The following MARCHF1 variants were observed in gnomAD, a reference collection of about 807,000 sequenced individuals.
MARCHF1 encodes membrane associated ring-CH-type finger 1.
Under a neutral mutation model 54.2 loss-of-function variants are expected in MARCHF1, and 40 were observed. That is an observed-to-expected ratio of 0.74 (90% CI 0.57 to 0.96). The LOEUF (loss-of-function observed/expected upper bound fraction) is 0.96. MARCHF1 is among the 40% of genes least tolerant of loss of function. The pLI is 0.00. For synonymous variants in MARCHF1, 236 were observed against 236.3 expected, an observed-to-expected ratio of 1.00 and a Z score of 0.01; for missense variants, 586 against 656.5, an observed-to-expected ratio of 0.89 and a Z score of 1.17.
chr4:164,090,381 T>C (rs2111130993), intron 2 of MARCHF1, among the ~76,000 whole-genome samples: 1 of 152,166 alleles, frequency 6.6e-6, no homozygotes, highest in South Asian at 2.1e-4. Context: ...TAAAATAATT[T>C]AAAATAGAGA....
intron 1 of MARCHF1, among the ~76,000 whole-genome samples, chr4:164,137,663 C>T (rs1756431575): frequency 6.6e-6 from 1 of 151,946 alleles, no homozygotes; most frequent in South Asian, 2.1e-4. Flanking sequence ...AAAAAAGAAA[C>T]ACATTAACCT....
chr4:163,901,495 A>G (rs1173018441), intron 3 of MARCHF1, among the ~76,000 whole-genome samples: 26 of 152,064 alleles, frequency 1.7e-4, no homozygotes, highest in Admixed American at 1.6e-3. Flanking sequence ...TACTGCCCCT[A>G]GGGGTAGGAG....
intron 5 of MARCHF1, among the ~76,000 whole-genome samples, chr4:163,636,830 A>G (rs1401057849): frequency 6.6e-6 from 1 of 152,202 alleles, no homozygotes; most frequent in Non-Finnish European, 1.5e-5. Flanking sequence ...GCATCACACT[A>G]CCTGACTTCT....
intron 1 of MARCHF1, among the ~76,000 whole-genome samples, chr4:164,348,789 T>A (rs758979952): frequency 6.6e-6 from 1 of 151,880 alleles, no homozygotes; most frequent in Non-Finnish European, 1.5e-5. Flanking sequence ...TGGCAGGGGG[T>A]GTTTGGTCAG....
At chr4:164,303,933 G>T (rs190637010) in intron 1 of MARCHF1, among the ~76,000 whole-genome samples, 16 of 152,322 alleles carry the variant, frequency 1.1e-4, no homozygotes, top group East Asian at 5.8e-4. Context: ...TCCGAGTGAT[G>T]AATCCAAATA....
intron 7 of MARCHF1, among the ~76,000 whole-genome samples, chr4:163,593,707 T>C (rs1263791242): frequency 6.6e-6 from 1 of 152,202 alleles, no homozygotes; most frequent in Admixed American, 6.5e-5. Flanking sequence ...CCATGGATAA[T>C]TGACAAAGCA....
chr4:163,836,064 G>C (rs975322921), intron 4 of MARCHF1, among the ~76,000 whole-genome samples: 3 of 152,014 alleles, frequency 2.0e-5, no homozygotes, highest in Non-Finnish European at 4.4e-5. Context: ...ACCTGGGATG[G>C]TATTAGGCAA....
chr4:163,528,635 G>A lies in MARCHF1; in HGVS notation c.*113C>T. The A allele has an allele frequency of 9.1e-7, 1 of 1,093,492 alleles. No homozygotes were observed. Among genetic ancestry groups the A allele is most frequent in the Non-Finnish European group, 1.3e-6 (1 of 770,468 alleles). 67.7% of individuals were successfully genotyped at this position (1,093,492 alleles called of 1,614,324 possible). ...GAACAAAGTCAGGAAAAATGTGTCA[G>A]TAGGAGAAAGGAGGAGCTGAAGGGA... On this transcript the variant is annotated 3_prime_UTR_variant, in exon 10 of 10. Transcript: ENST00000514618.
chr4:164,346,959 T>C (rs1009002183), intron 1 of MARCHF1, among the ~76,000 whole-genome samples: 3 of 152,092 alleles, frequency 2.0e-5, no homozygotes, highest in African/African-American at 7.2e-5. Context: ...AACTCCCTGT[T>C]TTTTAAGACT....
intron 3 of MARCHF1, among the ~76,000 whole-genome samples, chr4:163,868,343 G>T (rs1363847383): frequency 1.3e-5 from 2 of 151,630 alleles, no homozygotes; most frequent in African/African-American, 4.8e-5. Flanking sequence ...TAAATTAAAA[G>T]GAAAATCATA....
chr4:163,903,309 A>G lies in MARCHF1; in HGVS notation c.-38-49140T>C, dbSNP rs561641881. On this transcript the variant is annotated intron_variant, in intron 3 of 9. Coordinates refer to ENST00000514618, the MANE Select transcript of MARCHF1 (RefSeq NM_001394959.1). ...GCTGTGCTTCAAAAAGTTCTAGTGCAGCCTTGGAAATTCTACTGCAGCTTA... is the reference window on the plus strand; with the variant it reads ...GCTGTGCTTCAAAAAGTTCTAGTGCGGCCTTGGAAATTCTACTGCAGCTTA... 2.6e-3 allele frequency among the ~76,000 whole-genome samples: 393 copies of G among 152,240 alleles called. 1 individual carries two copies. Among genetic ancestry groups the G allele is most frequent in the Non-Finnish European group, 4.3e-3 (291 of 68,008 alleles).
intron 4 of MARCHF1, among the ~76,000 whole-genome samples, chr4:163,710,625 CT>C (rs903947566): frequency 6.6e-6 from 1 of 151,076 alleles, no homozygotes; most frequent in Admixed American, 6.6e-5. Context: ...GAACCAAAGA[CT>C]TTTTTTTTAA....
intron 5 of MARCHF1, among the ~76,000 whole-genome samples, chr4:163,642,540 A>G (rs1560993327): frequency 6.6e-6 from 1 of 152,164 alleles, no homozygotes; most frequent in Non-Finnish European, 1.5e-5. Context: ...TTGATTGCAT[A>G]TTTGTCTTTT....
At chr4:164,314,792 T>A (rs982606605) in intron 1 of MARCHF1, among the ~76,000 whole-genome samples, 1 of 152,232 alleles carries the variant, frequency 6.6e-6, no homozygotes, top group Admixed American at 6.5e-5. Flanking sequence ...AAATCTCTAC[T>A]GTACGTCAGA....
intron 2 of MARCHF1, among the ~76,000 whole-genome samples, chr4:164,093,777 C>G (rs145974604): frequency 1.1e-4 from 16 of 152,070 alleles, no homozygotes; most frequent in African/African-American, 3.9e-4. Context: ...GAAACAGAAG[C>G]CTTCTCAGCA....
At chr4:164,085,627 T>C (rs1755177477) in intron 2 of MARCHF1, among the ~76,000 whole-genome samples, 1 of 151,786 alleles carries the variant, frequency 6.6e-6, no homozygotes, top group African/African-American at 2.4e-5. Flanking sequence ...AGGCACAGAC[T>C]GGAGAAATAA....
At chr4:164,338,096 A>C (rs1249719669) in intron 1 of MARCHF1, among the ~76,000 whole-genome samples, 1 of 152,224 alleles carries the variant, frequency 6.6e-6, no homozygotes, top group East Asian at 1.9e-4. Flanking sequence ...TAAGGGATAT[A>C]AATTTTGACA....
chr4:164,033,136 T>A (rs1298724915), intron 2 of MARCHF1, among the ~76,000 whole-genome samples: 1 of 147,856 alleles, frequency 6.8e-6, no homozygotes, highest in Admixed American at 6.8e-5. Context: ...ATTGTGCCAC[T>A]GCACTCCAGC....
intron 3 of MARCHF1, among the ~76,000 whole-genome samples, chr4:163,911,458 G>A (rs1454642539): frequency 1.3e-5 from 2 of 152,134 alleles, no homozygotes; most frequent in African/African-American, 4.8e-5. Context: ...GTTCTACAAG[G>A]CCTGAGGTGT....
Sources: allele counts gnomAD v4.1 joint callset (sites outside exome capture counted in the v4.1 genomes callset), GRCh38; gene constraint gnomAD v4.1.1; transcripts MANE v1.5; gene names NCBI Gene and HGNC (gene_info 2026-07-23, HGNC 2026-07-21).